Variants in DNAJC4 observed in about 807,000 individuals in gnomAD.
DNAJC4 encodes dnaJ homolog subfamily C member 4.
Under a neutral mutation model 26.8 loss-of-function variants are expected in DNAJC4, and 26 were observed. The observed-to-expected ratio is 0.97, with a 90% CI of 0.71 to 1.34. The LOEUF (loss-of-function observed/expected upper bound fraction) is 1.34. Ranked by LOEUF, DNAJC4 falls within the 40% of genes most tolerant of loss-of-function variation. The pLI, the probability that DNAJC4 is intolerant of heterozygous loss-of-function variation, is 0.00. For missense variants in DNAJC4, 342 were observed against 321.1 expected, an observed-to-expected ratio of 1.07 and a Z score of -0.50; for synonymous variants, 134 against 127.8, an observed-to-expected ratio of 1.05 and a Z score of -0.33.
chr11:64,232,489 C>T lies in DNAJC4; in HGVS notation c.240C>T (p.Ser80=), dbSNP rs201258154. ...PSLHSRFVEL[S]EAYRVLSREQ... ...TGCACAGCCGCTTTGTGGAGCTGAG[C>T]GAGGCATACCGTGTGCTCAGCCGTG... Residue 80 remains serine, a synonymous_variant, in exon 3 of 6, where the codon AGC becomes AGT. Transcript: ENST00000628077. The T allele has an allele frequency of 2.2e-5, 36 of 1,610,964 alleles. No individual in the cohort carries two copies. The highest frequency in any genetic ancestry group is 6.7e-5 in the East Asian group (3 of 44,798).
Position 64,230,885 on chromosome 11 carries a change from C to G in DNAJC4, c.31C>G (p.Arg11Gly), listed in dbSNP as rs914774906. 20 of 1,596,048 alleles carry G rather than the reference C, an allele frequency of 1.3e-5. No homozygotes were observed. Among genetic ancestry groups the G allele is most frequent in the East Asian group, 2.3e-5 (1 of 44,290 alleles). Reference protein sequence around the residue: MPPLLPLRLCRLWPRNPPSRL... With the variant: MPPLLPLRLCGLWPRNPPSRL... ...GCCCTTACTGCCCCTGCGCCTGTGCCGGCTGTGGCCCCGCAACCCTCCCTC... is the reference window on the plus strand; with the variant it reads ...GCCCTTACTGCCCCTGCGCCTGTGCGGGCTGTGGCCCCGCAACCCTCCCTC... The change falls in exon 1 of 6, where the codon CGG becomes GGG. Residue 11 changes from arginine (R) to glycine (G), a missense_variant. Physicochemically the swap from Arg to Gly is moderately radical, Grantham distance 125. Transcript: ENST00000628077.
chr11:64,232,551 C>T lies in DNAJC4; in HGVS notation c.302C>T (p.Ser101Leu), dbSNP rs1320874449. The change falls in exon 3 of 6, where the codon TCA (serine) becomes TTA (leucine). Residue 101 changes from serine to leucine, a missense_variant. By Grantham distance (145) the Ser-to-Leu change is moderately radical. Coordinates refer to ENST00000628077, the MANE Select transcript of DNAJC4 (RefSeq NM_005528.4). ...SRRSYDDQLR[S>L]GSPPKSPRTT... ...CGCAGCTATGATGACCAGCTCCGCTCAGGTAGTCCCCCAAAGTCTCCACGA... is the reference window on the plus strand; with the variant it reads ...CGCAGCTATGATGACCAGCTCCGCTTAGGTAGTCCCCCAAAGTCTCCACGA... 2 of 1,612,696 alleles carry T rather than the reference C, an allele frequency of 1.2e-6. No individual in the cohort carries two copies. Among genetic ancestry groups the T allele is most frequent in the East Asian group, 2.2e-5 (1 of 44,864 alleles).
chr11:64,233,779 T>G (rs996639912), intron 4 of DNAJC4, 115 bp from the exon 5 acceptor site: 1 of 1,404,526 alleles, frequency 7.1e-7, no homozygotes, highest in Admixed American at 2.0e-5. Context: ...AGACTGAGGT[T>G]CCTAACCCTG....
intron 2 of DNAJC4, 55 bp downstream of exon 2, chr11:64,232,019 T>C: frequency 2.5e-6 from 4 of 1,574,400 alleles, no homozygotes; most frequent in Non-Finnish European, 3.5e-6. Context: ...CCAGTGGGGG[T>C]GTGCTTCAAA....
Position 64,232,570 on chromosome 11 carries a change from T to C in DNAJC4, c.321T>C (p.Ser107=), listed in dbSNP as rs995070830. ...DQLRSGSPPK[S]PRTTVHDKSA... ...TCCGCTCAGGTAGTCCCCCAAAGTCTCCACGAACCACAGTCCATGACAAGT... is the reference window on the plus strand; with the variant it reads ...TCCGCTCAGGTAGTCCCCCAAAGTCCCCACGAACCACAGTCCATGACAAGT... Residue 107 remains serine (S), a synonymous_variant, in exon 3 of 6, where the codon TCT becomes TCC. Coordinates refer to ENST00000628077, the MANE Select transcript of DNAJC4 (RefSeq NM_005528.4). 6.2e-7 allele frequency: 1 copy of C among 1,611,158 alleles called. No individual in the cohort carries two copies. Among genetic ancestry groups the C allele is most frequent in the African/African-American group, 1.3e-5 (1 of 74,884 alleles).
chr11:64,232,466 C>T lies in DNAJC4; in HGVS notation c.217C>T (p.His73Tyr), dbSNP rs779129165. The T allele has an allele frequency of 1.2e-5, 20 of 1,605,670 alleles. No homozygotes were observed. Among genetic ancestry groups the T allele is most frequent in the Non-Finnish European group, 1.7e-5 (20 of 1,174,144 alleles). The change falls in exon 3 of 6, where the codon CAC becomes TAC. Residue 73 changes from histidine to tyrosine, a missense_variant. By Grantham distance (83) the His-to-Tyr change is moderately conservative. Transcript: ENST00000628077. ...CCGGGACCCTGGGAACCCAAGCCTG[C>T]ACAGCCGCTTTGTGGAGCTGAGCGA... ...PDRDPGNPSL[H>Y]SRFVELSEAY...
chr11:64,230,700 G>T lies in DNAJC4; in HGVS notation c.-155G>T. The T allele has an allele frequency of 9.6e-7, 1 of 1,044,838 alleles. No homozygotes were observed. Among genetic ancestry groups the T allele is most frequent in the Non-Finnish European group, 1.4e-6 (1 of 711,454 alleles). The allele number at this position is 1,044,838 out of a possible 1,614,324, so 64.7% of individuals were successfully genotyped here. A position where few individuals can be genotyped will look rare whatever the true frequency, so the allele number is the denominator to read the frequency against. On this transcript the variant is annotated 5_prime_UTR_variant, in exon 1 of 6. Coordinates refer to ENST00000628077, the MANE Select transcript of DNAJC4 (RefSeq NM_005528.4). ...CCAAGGACACGCGGGTCTGGTCCTG[G>T]GCAAGAACCGCCCCCTCTCCGGGCC...
chr11:64,231,857 G>A lies in DNAJC4; in HGVS notation c.87-14G>A. The A allele has an allele frequency of 1.2e-6, 2 of 1,613,880 alleles. No homozygotes were observed. The highest frequency in any genetic ancestry group is 1.7e-6 in the Non-Finnish European group (2 of 1,179,832). Reference sequence around the variant, plus strand: ...TTCCTTCAGCCCCTGCAAGGTTTGGGACTCTGTCCACAGGTCCAGACCCAG... The same window carrying A: ...TTCCTTCAGCCCCTGCAAGGTTTGGAACTCTGTCCACAGGTCCAGACCCAG... On this transcript the variant is annotated splice_polypyrimidine_tract_variant and intron_variant, in intron 1 of 5. Coordinates refer to ENST00000628077, the MANE Select transcript of DNAJC4 (RefSeq NM_005528.4).
intron 4 of DNAJC4, chr11:64,233,460 C>G (rs1357156135): frequency 1.1e-5 from 2 of 174,214 alleles, no homozygotes; most frequent in East Asian, 1.5e-4. Flanking sequence ...AGGCTGGTCT[C>G]AAACTCCTGA....
Position 64,232,610 on chromosome 11 carries a change from C to G in DNAJC4, c.361C>G (p.His121Asp), listed in dbSNP as rs1295729771. The change falls in exon 3 of 6, where the codon CAC becomes GAC. Residue 121 changes from histidine (H) to aspartate (D), a missense_variant. By Grantham distance (81) the His-to-Asp change is moderately conservative. Coordinates refer to ENST00000628077, the MANE Select transcript of DNAJC4 (RefSeq NM_005528.4). ...CCATGACAAGTCTGCCCACCAAACA[C>G]ACAGGTACAGTAATCCTGCCCTCAG... ...TVHDKSAHQTHSSWTPPNAQY... is the reference protein window; with the variant it reads ...TVHDKSAHQTDSSWTPPNAQY... 1.9e-6 allele frequency: 3 copies of G among 1,594,426 alleles called. No individual in the cohort carries two copies. The highest frequency in any genetic ancestry group is 3.4e-5 in the Admixed American group (2 of 59,132).
rs369087127 is a variant in DNAJC4, at chr11:64,232,827, C to T, written c.489C>T (p.Leu163=). ...AAGTGCTGGGGTACTGCCTCCTCCT[C>T]ATGCTGGCGGGCATGGGCCTGCACT... ...NKQVLGYCLL[L]MLAGMGLHYI... Residue 163 remains leucine (L), a synonymous_variant, in exon 4 of 6, where the codon CTC becomes CTT. Transcript: ENST00000628077. The T allele has an allele frequency of 1.2e-5, 20 of 1,610,776 alleles. No homozygotes were observed. The African/African-American group carries it at 1.9e-4, about 15-fold the overall frequency.
In DNAJC4 at chr11:64,234,272, G is replaced by A. The variant is rs188205396; in HGVS notation, c.*88G>A. 8.5e-4 allele frequency: 1,246 copies of A among 1,459,878 alleles called. 14 individuals are homozygous for A. The East Asian group carries it at 0.026, about 31-fold the overall frequency. The allele number at this position is 1,459,878 out of a possible 1,614,324, so 90.4% of individuals were successfully genotyped here. The stretch of plus-strand genomic sequence containing the variant: ...CTCCCCGAAACGCGCGCAATAAAGT[G>A]ATTCGCAGAGCTCGTGTCCGGCTCC... On this transcript the variant is annotated 3_prime_UTR_variant, in exon 6 of 6. Transcript: ENST00000628077. This position sits in a 1 kb window ranked among gnomAD's most constrained non-coding sequence, Gnocchi z 5.3.
chr11:64,233,879 T>A lies in DNAJC4; in HGVS notation c.528-15T>A. On this transcript the variant is annotated splice_polypyrimidine_tract_variant and intron_variant, in intron 4 of 5. Transcript: ENST00000628077. ...CAGGAATTGGATTCCCAGGGTTAAT[T>A]GTGACCCATTGCAGGAAGGTGAAGC... 1.9e-6 allele frequency: 3 copies of A among 1,611,718 alleles called. No individual in the cohort carries two copies. Among genetic ancestry groups the A allele is most frequent in the East Asian group, 2.2e-5 (1 of 44,832 alleles).
At chr11:64,232,965 C>G in intron 4 of DNAJC4, 100 bp downstream of exon 4, 18 of 1,358,038 alleles carry the variant, frequency 1.3e-5, no homozygotes, top group Non-Finnish European at 1.7e-5. Flanking sequence ...GGCCCGTACT[C>G]TTGTGTCTCT....
At position 64,233,849 on chromosome 11, in the gene DNAJC4, G is replaced by T. The variant is rs756820204; in HGVS notation, c.528-45G>T. On this transcript the variant is annotated intron_variant, in intron 4 of 5. Coordinates refer to ENST00000628077, the MANE Select transcript of DNAJC4 (RefSeq NM_005528.4). Reference sequence around the variant, plus strand: ...GGGTGGAAGGGGGCAGGACTTCAGGGACAGCAGGAATTGGATTCCCAGGGT... The same window carrying T: ...GGGTGGAAGGGGGCAGGACTTCAGGTACAGCAGGAATTGGATTCCCAGGGT... The T allele has an allele frequency of 3.1e-6, 5 of 1,601,060 alleles. No individual in the cohort carries two copies. In the African/African-American group the frequency reaches 6.7e-5, roughly 21 times the overall value.
In DNAJC4 at chr11:64,234,149, G is replaced by A. The variant is rs537222108; in HGVS notation, c.691G>A (p.Gly231Ser). ...RQPPPSEPTQGPEIVPRGAGP is the reference protein window; with the variant it reads ...RQPPPSEPTQSPEIVPRGAGP ...GCCGCCACCATCCGAGCCAACCCAA[G>A]GCCCCGAGATCGTGCCCCGGGGCGC... is the stretch of plus-strand genomic sequence containing the variant. Residue 231 changes from glycine to serine, a missense_variant, in exon 6 of 6, where the codon GGC becomes AGC. Transcript: ENST00000628077. The surrounding 1 kb of genome is among the most constrained non-coding windows in gnomAD (Gnocchi z 5.3). 7.5e-6 allele frequency: 12 copies of A among 1,592,274 alleles called. No individual in the cohort carries two copies. The highest frequency in any genetic ancestry group is 1.0e-5 in the Non-Finnish European group (12 of 1,171,648).
At chr11:64,231,483 G>A (rs1439463577) in intron 1 of DNAJC4, 8 of 210,418 alleles carry the variant, frequency 3.8e-5, no homozygotes, top group South Asian at 2.6e-4. Flanking sequence ...CTGGGATTAC[G>A]GGCATGCACC....
intron 4 of DNAJC4, 200 bp from the exon 5 acceptor site, chr11:64,233,694 G>A (rs1947207202): frequency 1.5e-6 from 1 of 654,188 alleles, no homozygotes; most frequent in Non-Finnish European, 2.6e-6. Flanking sequence ...AAAGTGACCA[G>A]GGACTTCGGA....
chr11:64,233,669 C>G, intron 4 of DNAJC4: 1 of 600,046 alleles, frequency 1.7e-6, no homozygotes, highest in Non-Finnish European at 2.9e-6. Context: ...ATGTCCACAG[C>G]TGCTGTCACA....
Sources: allele counts gnomAD v4.1 joint callset, GRCh38; gene constraint gnomAD v4.1.1; non-coding constraint Gnocchi (gnomAD v3.1); transcripts MANE v1.5; gene names NCBI Gene and HGNC (gene_info 2026-07-23, HGNC 2026-07-21).